The following COL22A1 variants were observed in gnomAD, a reference collection of about 807,000 sequenced individuals.
COL22A1 encodes collagen type XXII alpha 1 chain.
A neutral mutation model predicts 248.9 loss-of-function variants in COL22A1; 221 were observed. That is an observed-to-expected ratio of 0.89 (90% confidence interval 0.80 to 0.99). The LOEUF is 0.99. Ranked by LOEUF, COL22A1 falls within the 50% of genes least tolerant of loss-of-function variation. The pLI, the probability that COL22A1 is intolerant of heterozygous loss-of-function variation, is 0.00. For missense variants in COL22A1, 2,240 were observed against 2,179.0 expected (o/e 1.03, Z -0.56); for synonymous variants, 891 against 793.4 (o/e 1.12, Z -2.07).
chr8:138,680,352 A>G (rs1054749057), intron 39 of COL22A1, among the ~76,000 whole-genome samples: 1 of 152,206 alleles, frequency 6.6e-6, no homozygotes, highest in Non-Finnish European at 1.5e-5. Flanking sequence ...AAAGGAACTG[A>G]GGCTCAGAGA....
intron 15 of COL22A1, 45 bp downstream of exon 15, chr8:138,778,308 T>C: frequency 6.2e-7 from 1 of 1,612,226 alleles, no homozygotes; most frequent in East Asian, 2.2e-5. Flanking sequence ...TTTTGATTCC[T>C]GGAGAAGGGG....
chr8:138,898,831 G>A (rs1440022771), intron 1 of COL22A1, among the ~76,000 whole-genome samples: 1 of 151,970 alleles, frequency 6.6e-6, no homozygotes, highest in Admixed American at 6.5e-5. Context: ...CTCTTGCCTG[G>A]AGCACAGCAA....
intron 3 of COL22A1, among the ~76,000 whole-genome samples, chr8:138,863,426 T>C (rs1184706327): frequency 2.6e-5 from 4 of 152,178 alleles, no homozygotes; most frequent in Admixed American, 1.3e-4. Flanking sequence ...AGGAGGGCGA[T>C]GAGCTGACTT....
chr8:138,664,725 C>T (rs779941786), intron 41 of COL22A1, among the ~76,000 whole-genome samples: 4 of 152,184 alleles, frequency 2.6e-5, no homozygotes, highest in Non-Finnish European at 4.4e-5. Flanking sequence ...TCAGCAAGTG[C>T]CCTGTGCATT....
At chr8:138,619,304 G>A in intron 53 of COL22A1, 151 bp downstream of exon 53, 1 of 654,966 alleles carries the variant, frequency 1.5e-6, no homozygotes, top group Non-Finnish European at 2.7e-6. Flanking sequence ...TGGCAAAGCT[G>A]AATTGACCGC....
intron 3 of COL22A1, among the ~76,000 whole-genome samples, chr8:138,852,303 G>A (rs1821704410): frequency 6.6e-6 from 1 of 152,092 alleles, no homozygotes; most frequent in South Asian, 2.1e-4. Context: ...GGATGATGGT[G>A]ACTTGTTCCT....
intron 50 of COL22A1, among the ~76,000 whole-genome samples, chr8:138,626,513 A>T (rs554332984): frequency 6.6e-6 from 1 of 152,316 alleles, no homozygotes; most frequent in African/African-American, 2.4e-5. Flanking sequence ...AAAACTGAAT[A>T]TTGGAATGCC....
intron 4 of COL22A1, among the ~76,000 whole-genome samples, chr8:138,836,840 C>T (rs914882799): frequency 2.0e-5 from 3 of 152,186 alleles, no homozygotes; most frequent in Non-Finnish European, 4.4e-5. Context: ...AGAATCCCTC[C>T]GTTCAGTATG....
At chr8:138,635,876 C>T (rs776747782) in intron 48 of COL22A1, among the ~76,000 whole-genome samples, 1 of 152,202 alleles carries the variant, frequency 6.6e-6, no homozygotes, top group African/African-American at 2.4e-5. Flanking sequence ...GCACTGCTCT[C>T]ATCTCACTGC....
intron 53 of COL22A1, among the ~76,000 whole-genome samples, chr8:138,617,869 C>T (rs1819463743): frequency 6.6e-6 from 1 of 152,178 alleles, no homozygotes; most frequent in Non-Finnish European, 1.5e-5. Flanking sequence ...GAGTTGCTGT[C>T]AGGACTGAAT....
chr8:138,865,587 G>A (rs1319723114), intron 3 of COL22A1, among the ~76,000 whole-genome samples: 1 of 151,594 alleles, frequency 6.6e-6, no homozygotes, highest in African/African-American at 2.4e-5. Context: ...CTGTGTGTGA[G>A]TGTATGTGTG....
At chr8:138,908,709 T>C (rs537756494) in intron 1 of COL22A1, among the ~76,000 whole-genome samples, 5 of 152,248 alleles carry the variant, frequency 3.3e-5, no homozygotes, top group East Asian at 1.9e-4. Flanking sequence ...CTGGCACCAA[T>C]TGGCACTCAA....
intron 2 of COL22A1, among the ~76,000 whole-genome samples, chr8:138,881,123 A>G (rs1221475630): frequency 6.6e-6 from 1 of 152,212 alleles, no homozygotes; most frequent in African/African-American, 2.4e-5. Context: ...CTATGAAATG[A>G]GGGCACAGAG....
intron 12 of COL22A1, among the ~76,000 whole-genome samples, chr8:138,787,654 C>T (rs1009181194): frequency 3.9e-4 from 60 of 152,326 alleles, no homozygotes; most frequent in Middle Eastern, 3.4e-3. Context: ...AGATTCACTG[C>T]AGAAGACAAC....
intron 7 of COL22A1, among the ~76,000 whole-genome samples, chr8:138,819,131 T>A (rs112745805): frequency 1.3e-5 from 2 of 152,218 alleles, no homozygotes; most frequent in Non-Finnish European, 2.9e-5. Context: ...ATCATTCTGT[T>A]AACAAAGCAA....
intron 5 of COL22A1, among the ~76,000 whole-genome samples, chr8:138,831,934 A>G (rs1820076556): frequency 6.6e-6 from 1 of 152,208 alleles, no homozygotes; most frequent in Non-Finnish European, 1.5e-5. Context: ...CAGATGGTTA[A>G]GGCATTCTAA....
chr8:138,631,628 A>C (rs903163773), intron 49 of COL22A1, among the ~76,000 whole-genome samples: 2 of 152,178 alleles, frequency 1.3e-5, no homozygotes, highest in Admixed American at 6.5e-5. Flanking sequence ...AGCTCCAGGC[A>C]CACTTTTGCT....
chr8:138,891,292 C>A (rs1190132362), intron 1 of COL22A1, among the ~76,000 whole-genome samples: 5 of 152,140 alleles, frequency 3.3e-5, no homozygotes, highest in African/African-American at 1.2e-4. Flanking sequence ...ATAGAGTAAT[C>A]ACAGCAGACT....
chr8:138,594,275 A>G (rs1817336920), intron 62 of COL22A1, 76 bp from the exon 63 acceptor site: 1 of 1,342,240 alleles, frequency 7.5e-7, no homozygotes, highest in Non-Finnish European at 1.0e-6. Flanking sequence ...CTCACTGACA[A>G]CTCAGAACCA....
Sources: allele counts gnomAD v4.1 joint callset (sites outside exome capture counted in the v4.1 genomes callset), GRCh38; gene constraint gnomAD v4.1.1; transcripts MANE v1.5; gene names NCBI Gene and HGNC (gene_info 2026-07-23, HGNC 2026-07-21).